The following GSAP variants were observed in gnomAD, a reference collection of about 807,000 sequenced individuals.
GSAP encodes the protein gamma-secretase-activating protein.
Under a neutral mutation model 131.7 loss-of-function variants are expected in GSAP, and 118 were observed. That is an observed-to-expected ratio of 0.90 (90% confidence interval 0.77 to 1.04). The LOEUF (loss-of-function observed/expected upper bound fraction) is 1.04, where lower values mean the gene tolerates loss of function less well. GSAP is among the 50% of genes least tolerant of loss of function. The pLI is 0.00. For synonymous variants in GSAP, 381 were observed against 363.4 expected (o/e 1.05, Z -0.55); for missense variants, 1,019 against 1,013.2 (o/e 1.01, Z -0.08).
At chr7:77,408,539 A>G (rs1802692447) in intron 1 of GSAP, among the ~76,000 whole-genome samples, 1 of 151,934 alleles carries the variant, frequency 6.6e-6, no homozygotes, top group Non-Finnish European at 1.5e-5. Context: ...TCTCTACTAA[A>G]AAATACAGAA....
chr7:77,353,543 A>C (rs1381652356), intron 17 of GSAP, 29 bp downstream of exon 17: 1 of 1,516,788 alleles, frequency 6.6e-7, no homozygotes, highest in Non-Finnish European at 9.1e-7. Context: ...CAAGTATTCA[A>C]CTTAAGCTGC....
chr7:77,329,451 G>A (rs367608069), intron 20 of GSAP, 60 bp from the exon 21 acceptor site: 30 of 890,986 alleles, frequency 3.4e-5, no homozygotes, highest in Middle Eastern at 2.2e-4. Flanking sequence ...GACTTTTCAC[G>A]TCAAGGATAT....
At chr7:77,367,857 A>G (rs1037723626) in intron 12 of GSAP, among the ~76,000 whole-genome samples, 2 of 152,150 alleles carry the variant, frequency 1.3e-5, no homozygotes, top group Non-Finnish European at 2.9e-5. Flanking sequence ...GGTAGGTTAT[A>G]TATTACTGAT....
chr7:77,400,487 C>T (rs1801132388), intron 3 of GSAP, among the ~76,000 whole-genome samples: 1 of 152,026 alleles, frequency 6.6e-6, no homozygotes, highest in Non-Finnish European at 1.5e-5. Flanking sequence ...TCTGTCTAGC[C>T]ATAACAAGAC....
At chr7:77,379,892 C>CA in intron 8 of GSAP, 4 of 981,816 alleles carry the variant, frequency 4.1e-6, no homozygotes, top group African/African-American at 1.7e-5. Context: ...TTGAGGCTTT[C>CA]AATAGCTGAT....
intron 22 of GSAP, 172 bp downstream of exon 22, chr7:77,328,434 A>T (rs112281656): frequency 0.1 from 136,433 of 1,324,976 alleles, 7,897 homozygotes; most frequent in Non-Finnish European, 0.11. Flanking sequence ...TGGTGCCTAG[A>T]CAGACATGGG....
At chr7:77,369,781 G>GT (rs1795842005) in intron 12 of GSAP, among the ~76,000 whole-genome samples, 1 of 150,384 alleles carries the variant, frequency 6.6e-6, no homozygotes, top group Admixed American at 6.6e-5. Context: ...AACAACAAAG[G>GT]TAAAAAAACA....
chr7:77,397,700 ACTCTATCACTTG>A (rs1309624051), intron 3 of GSAP, among the ~76,000 whole-genome samples: 1 of 152,170 alleles, frequency 6.6e-6, no homozygotes, highest in Middle Eastern at 3.2e-3. Flanking sequence ...TCAAACCCTG[ACTCTATCACTTG>A]CTAGCTGCGT....
At chr7:77,397,269 T>A in intron 4 of GSAP, 77 bp downstream of exon 4, 1 of 921,400 alleles carries the variant, frequency 1.1e-6, no homozygotes, top group Non-Finnish European at 1.7e-6. Flanking sequence ...AATTTAATAC[T>A]GCAAAAATCT....
chr7:77,374,934 CA>C (rs998472277), intron 11 of GSAP, 123 bp downstream of exon 11: 5 of 516,396 alleles, frequency 9.7e-6, no homozygotes, highest in Non-Finnish European at 1.7e-5. Context: ...AATGGGAATA[CA>C]AAAAAAGATG....
chr7:77,371,625 C>T (rs191434363), intron 12 of GSAP, among the ~76,000 whole-genome samples: 5 of 152,100 alleles, frequency 3.3e-5, no homozygotes, highest in Admixed American at 2.6e-4. Flanking sequence ...TTACTAGAGA[C>T]GGGGTTTCGC....
At chr7:77,413,572 G>T (rs1211849526) in intron 1 of GSAP, among the ~76,000 whole-genome samples, 1 of 152,180 alleles carries the variant, frequency 6.6e-6, no homozygotes, top group East Asian at 1.9e-4. Context: ...CAGTCAATAT[G>T]GGTAAATCTC....
intron 7 of GSAP, among the ~76,000 whole-genome samples, 200 bp downstream of exon 7, chr7:77,382,374 C>G (rs1365143406): frequency 1.3e-5 from 2 of 152,146 alleles, no homozygotes; most frequent in Non-Finnish European, 2.9e-5. Flanking sequence ...GATGAGAAAG[C>G]TGAACACAGC....
chr7:77,338,496 C>T (rs1790375465), intron 19 of GSAP, among the ~76,000 whole-genome samples: 1 of 152,166 alleles, frequency 6.6e-6, no homozygotes, highest in Admixed American at 6.5e-5. Flanking sequence ...CACCAAAATA[C>T]CATAAACTGG....
intron 19 of GSAP, among the ~76,000 whole-genome samples, chr7:77,347,163 C>A (rs1043892789): frequency 1.3e-5 from 2 of 152,128 alleles, no homozygotes; most frequent in Non-Finnish European, 2.9e-5. Flanking sequence ...CCACTCTATG[C>A]GTCTCTTCAT....
In GSAP at chr7:77,383,318, T is replaced by TCACA. The variant is rs10539947; in HGVS notation, c.457-679_457-676dup. On this transcript the variant is annotated intron_variant, in intron 6 of 30. Transcript: ENST00000257626. ...CAACATTTATACAAAATGTTCTATTTCACACACACACACACACACACACAC... is the reference window on the plus strand; with the variant it reads ...CAACATTTATACAAAATGTTCTATTTCACACACACACACACACACACACACACAC... Among the ~76,000 whole-genome samples, 184 of 150,306 alleles carry TCACA rather than the reference T, an allele frequency of 1.2e-3. 1 individual carries two copies. Among genetic ancestry groups the TCACA allele is most frequent in the Middle Eastern group, 3.4e-3 (1 of 294 alleles).
intron 3 of GSAP, among the ~76,000 whole-genome samples, chr7:77,401,813 G>A (rs1187295035): frequency 6.6e-6 from 1 of 152,094 alleles, no homozygotes; most frequent in East Asian, 1.9e-4. Flanking sequence ...AACACAGAAA[G>A]GTAAAGAGAC....
intron 25 of GSAP, 22 bp from the exon 26 acceptor site, chr7:77,320,841 G>A (rs751003196): frequency 6.8e-7 from 1 of 1,477,654 alleles, no homozygotes; most frequent in Non-Finnish European, 9.5e-7. Flanking sequence ...AAACAAAGCA[G>A]CATGTCAGCC....
Position 77,323,692 on chromosome 7 carries a change from T to G in GSAP, c.1878A>C (p.Glu626Asp), listed in dbSNP as rs758242234. The G allele has an allele frequency of 6.2e-7, 1 of 1,609,126 alleles. No homozygotes were observed. Among genetic ancestry groups the G allele is most frequent in the Non-Finnish European group, 8.5e-7 (1 of 1,176,284 alleles). The change falls in exon 24 of 31, where the codon GAA becomes GAC. Residue 626 changes from glutamate (E) to aspartate (D), a missense_variant. Coordinates refer to ENST00000257626, the MANE Select transcript of GSAP (RefSeq NM_017439.4). The stretch of plus-strand genomic sequence containing the variant: ...GAACCATCTGTTCAATTTTCTTCTT[T>G]TCTACACCCTGTAGGTGTCTCAAAA... ...DHFLRHLQGV[E>D]KKKIEQMVLD...
Sources: allele counts gnomAD v4.1 joint callset (sites outside exome capture counted in the v4.1 genomes callset), GRCh38; gene constraint gnomAD v4.1.1; transcripts MANE v1.5; gene names NCBI Gene and HGNC (gene_info 2026-07-23, HGNC 2026-07-21).